Variants in MTSS2 observed in about 807,000 individuals in gnomAD.
The protein encoded by MTSS2 is MTSS I-BAR domain containing 2.
MTSS2 carries 27 observed loss-of-function variants against 67.1 expected under a neutral mutation model. The ratio of observed to expected loss-of-function variants is 0.40; its 90% CI spans 0.30 to 0.55. The LOEUF (loss-of-function observed/expected upper bound fraction) is 0.55. Ranked by LOEUF, MTSS2 falls within the 20% of genes least tolerant of loss-of-function variation. MTSS2 has a pLI of 0.43. For synonymous variants in MTSS2, 624 were observed against 468.6 expected (o/e 1.33, Z -4.28); for missense variants, 1,171 against 1,067.8 (o/e 1.10, Z -1.35).
rs967709488 is a variant in MTSS2, at chr16:70,672,634, T to TA, written c.1053+1671dup. Among the ~76,000 whole-genome samples, 126 of 61,634 alleles carry TA rather than the reference T, an allele frequency of 2.0e-3. No individual in the cohort carries two copies. In the Middle Eastern group the frequency reaches 0.079, roughly 39 times the overall value. The allele number at this position is 61,634 out of a possible 152,430, so 40.4% of individuals were successfully genotyped here. A position where few individuals can be genotyped will look rare whatever the true frequency, so the allele number is the denominator to read the frequency against. Reference sequence around the variant, plus strand: ...CTAAAATTATTTCAAAATAAAAAGTTAAAAAAAAAACCCAAACAAAAAACC... The same window carrying TA: ...CTAAAATTATTTCAAAATAAAAAGTTAAAAAAAAAAACCCAAACAAAAAACC... On this transcript the variant is annotated intron_variant, in intron 11 of 14. Transcript: ENST00000338779.
intron 10 of MTSS2, among the ~76,000 whole-genome samples, chr16:70,675,864 A>G (rs562366217): frequency 6.6e-6 from 1 of 152,136 alleles, no homozygotes; most frequent in East Asian, 1.9e-4. Context: ...ACTCTCTCCA[A>G]TCCCTCAAGG....
intron 11 of MTSS2, among the ~76,000 whole-genome samples, chr16:70,669,653 T>TA (rs2052852556): frequency 6.6e-6 from 1 of 152,000 alleles, no homozygotes; most frequent in Non-Finnish European, 1.5e-5. Flanking sequence ...CCGTCTCTAC[T>TA]AAAAATACAA....
intron 10 of MTSS2, among the ~76,000 whole-genome samples, chr16:70,675,644 C>G (rs1334457470): frequency 6.6e-6 from 1 of 152,180 alleles, no homozygotes; most frequent in African/African-American, 2.4e-5. Flanking sequence ...TCTCAATCTC[C>G]TGACCTCGTG....
intron 1 of MTSS2, among the ~76,000 whole-genome samples, chr16:70,685,258 C>A (rs1226030637): frequency 3.9e-5 from 6 of 152,012 alleles, no homozygotes. Flanking sequence ...AGGCCTAGGT[C>A]GGCGGGGAAG....
intron 8 of MTSS2, 148 bp from the exon 9 acceptor site, chr16:70,678,047 G>T (rs1597821139): frequency 1.1e-6 from 1 of 947,138 alleles, no homozygotes. Flanking sequence ...TGCAGGTGGG[G>T]CCCACACAGC....
rs746641772 is a variant in MTSS2 at position 70,661,311 on chromosome 16, A to C, written c.*2366T>G. 2 of 439,656 alleles carry C rather than the reference A, an allele frequency of 4.5e-6. No individual in the cohort carries two copies. The allele number at this position is 439,656 out of a possible 1,614,324, so 27.2% of individuals were successfully genotyped here. On this transcript the variant is annotated 3_prime_UTR_variant, in exon 15 of 15. Coordinates refer to ENST00000338779, the MANE Select transcript of MTSS2 (RefSeq NM_138383.3). ...GGAGGATGGTGTGGAGGGGGCGGGG[A>C]GGAGAGGAGAATTTTTCCAAAATCT... is the stretch of plus-strand genomic sequence containing the variant.
At chr16:70,680,649 A>AC in intron 3 of MTSS2, 145 bp downstream of exon 3, 1 of 706,498 alleles carries the variant, frequency 1.4e-6, no homozygotes, top group Non-Finnish European at 2.4e-6. Context: ...CACTCTCTCC[A>AC]CAACCAGCCC....
In MTSS2 at chr16:70,664,358, G is replaced by C. The variant is rs975021892; in HGVS notation, c.1563C>G (p.Ser521Arg). 11 of 1,594,860 alleles carry C rather than the reference G, an allele frequency of 6.9e-6. No homozygotes were observed. The highest frequency in any genetic ancestry group is 4.0e-5 in the African/African-American group (3 of 74,250). The change falls in exon 15 of 15, where the codon AGC (serine) becomes AGG (arginine). Residue 521 changes from serine to arginine, a missense_variant. By Grantham distance (110) the Ser-to-Arg change is moderately radical (BLOSUM62 -1). Transcript: ENST00000338779. ...FDKSSTIPRN[S>R]NIAQNYRRLI... ...GGCGGCGGTAGTTCTGGGCGATGTT[G>C]CTGTTGCGCGGGATGGTGGATGACT...
chr16:70,661,546 A>G lies in MTSS2; in HGVS notation c.*2131T>C. 2.8e-6 allele frequency: 1 copy of G among 352,534 alleles called. No individual in the cohort carries two copies. Among genetic ancestry groups the G allele is most frequent in the Non-Finnish European group, 5.6e-6 (1 of 179,058 alleles). The allele number at this position is 352,534 out of a possible 1,614,324, so 21.8% of individuals were successfully genotyped here. A position where few individuals can be genotyped will look rare whatever the true frequency, so the allele number is the denominator to read the frequency against. On this transcript the variant is annotated 3_prime_UTR_variant, in exon 15 of 15. Coordinates refer to ENST00000338779, the MANE Select transcript of MTSS2 (RefSeq NM_138383.3). ...AAAATGAGAAATTAAACGAACGTAA[A>G]GTCCCCCAAACCAAAGTTTGTGATG...
chr16:70,665,822 A>G (rs2052694652), intron 11 of MTSS2: 1 of 306,944 alleles, frequency 3.3e-6, no homozygotes, highest in Non-Finnish European at 6.0e-6. Flanking sequence ...CGGCCTGGAT[A>G]TGGCCACCGA....
rs773291404 is a variant in MTSS2 at position 70,664,244 on chromosome 16, G to A, written c.1677C>T (p.Pro559=). 25 of 1,561,288 alleles carry A rather than the reference G, an allele frequency of 1.6e-5. No homozygotes were observed. The highest frequency in any genetic ancestry group is 5.5e-5 in the Admixed American group (3 of 54,382). The part of the protein sequence containing the change: ...TATGLPSGAP[P]GVATIRRTPS... ...GTGTGCGGCGGATGGTGGCCACGCC[G>A]GGGGGTGCGCCCGAGGGCAGGCCAG... Residue 559 remains proline, a synonymous_variant, in exon 15 of 15, where the codon CCC becomes CCT. Transcript: ENST00000338779.
Position 70,676,991 on chromosome 16 carries a change from A to G in MTSS2, c.733-13T>C, listed in dbSNP as rs963109585. 5 of 1,608,134 alleles carry G rather than the reference A, an allele frequency of 3.1e-6. No homozygotes were observed. In the African/African-American group the frequency reaches 5.4e-5, roughly 17 times the overall value. ...GGTCTTTGATTACCTGGACAGGGAC[A>G]TGGATGGGGGTCACTGGAGGCAGCT... is the stretch of plus-strand genomic sequence containing the variant. On this transcript the variant is annotated splice_polypyrimidine_tract_variant and intron_variant, in intron 9 of 14. Coordinates refer to ENST00000338779, the MANE Select transcript of MTSS2 (RefSeq NM_138383.3).
rs752515685 is a variant in MTSS2 at position 70,679,296 on chromosome 16, G to A, written c.466+19C>T. ...ACAAGGACGGGAGGAGCAGCTGGAG[G>A]GACCGACATTTGACTTACCAAGTAG... On this transcript the variant is annotated intron_variant, in intron 7 of 14. Transcript: ENST00000338779. The A allele has an allele frequency of 6.2e-7, 1 of 1,613,884 alleles. No individual in the cohort carries two copies. Among genetic ancestry groups the A allele is most frequent in the Non-Finnish European group, 8.5e-7 (1 of 1,179,800 alleles).
intron 11 of MTSS2, among the ~76,000 whole-genome samples, chr16:70,673,121 G>GCC (rs1177480479): frequency 3.3e-5 from 5 of 152,058 alleles, no homozygotes; most frequent in Non-Finnish European, 7.4e-5. Context: ...CCAAGATCGC[G>GCC]CCACTGTGCT....
At chr16:70,667,228 A>C (rs1408110865) in intron 11 of MTSS2, among the ~76,000 whole-genome samples, 1 of 143,636 alleles carries the variant, frequency 7.0e-6, no homozygotes, top group Non-Finnish European at 1.5e-5. Context: ...CTGTGATCAC[A>C]CCACTGAACT....
At chr16:70,668,826 G>A (rs995684245) in intron 11 of MTSS2, among the ~76,000 whole-genome samples, 1 of 152,208 alleles carries the variant, frequency 6.6e-6, no homozygotes, top group Non-Finnish European at 1.5e-5. Context: ...ATCTGCTGGT[G>A]TCTTGATCCT....
At position 70,685,806 on chromosome 16, in the gene MTSS2, G is replaced by C. The variant is rs768899629; in HGVS notation, c.-15C>G. The C allele has an allele frequency of 6.9e-6, 9 of 1,297,686 alleles. No individual in the cohort carries two copies. Among genetic ancestry groups the C allele is most frequent in the East Asian group, 8.8e-5 (2 of 22,618 alleles). 80.4% of individuals were successfully genotyped at this position (1,297,686 alleles called of 1,614,324 possible). ...GCCGTCTCCATGCTCTGGCTGGGCCGGGCCGCGGCGGCGGCTAGGCGCACG... is the reference window on the plus strand; with the variant it reads ...GCCGTCTCCATGCTCTGGCTGGGCCCGGCCGCGGCGGCGGCTAGGCGCACG... On this transcript the variant is annotated 5_prime_UTR_variant, in exon 1 of 15. Coordinates refer to ENST00000338779, the MANE Select transcript of MTSS2 (RefSeq NM_138383.3).
In MTSS2 at chr16:70,664,240, C is replaced by T. The variant is rs1487949335; in HGVS notation, c.1681G>A (p.Val561Met). The stretch of plus-strand genomic sequence containing the variant: ...GAGGGTGTGCGGCGGATGGTGGCCA[C>T]GCCGGGGGGTGCGCCCGAGGGCAGG... Reference protein sequence around the residue: ...TGLPSGAPPGVATIRRTPSTK... With the variant: ...TGLPSGAPPGMATIRRTPSTK... The change falls in exon 15 of 15, where the codon GTG (valine) becomes ATG (methionine). Residue 561 changes from valine to methionine, a missense_variant. Val to Met is a conservative substitution (Grantham distance 21, BLOSUM62 1). Coordinates refer to ENST00000338779, the MANE Select transcript of MTSS2 (RefSeq NM_138383.3). 14 of 1,565,924 alleles carry T rather than the reference C, an allele frequency of 8.9e-6. No individual in the cohort carries two copies. Among genetic ancestry groups the T allele is most frequent in the Non-Finnish European group, 1.0e-5 (12 of 1,162,338 alleles).
intron 14 of MTSS2, 48 bp from the exon 15 acceptor site, chr16:70,664,497 C>A (rs1026727429): frequency 6.5e-7 from 1 of 1,546,078 alleles, no homozygotes. Flanking sequence ...TGGCCCCTTG[C>A]CCCCAGCCCA....
Sources: allele counts gnomAD v4.1 joint callset (sites outside exome capture counted in the v4.1 genomes callset), GRCh38; gene constraint gnomAD v4.1.1; transcripts MANE v1.5; gene names NCBI Gene and HGNC (gene_info 2026-07-23, HGNC 2026-07-21).